The following IGDCC3 variants were observed in gnomAD, a reference collection of about 807,000 sequenced individuals.
The protein encoded by IGDCC3 is immunoglobulin superfamily DCC subclass member 3.
A neutral mutation model predicts 72.0 loss-of-function variants in IGDCC3; 47 were observed. That is an observed-to-expected ratio of 0.65 (90% CI 0.52 to 0.83). IGDCC3 has a LOEUF of 0.83. IGDCC3 is among the 40% of genes least tolerant of loss of function. The pLI is 0.00. For missense variants in IGDCC3, 1,038 were observed against 1,091.3 expected, an observed-to-expected ratio of 0.95 and a Z score of 0.69; for synonymous variants, 477 against 472.8, an observed-to-expected ratio of 1.01 and a Z score of -0.11.
At chr15:65,371,357 A>G (rs1473749948) in intron 2 of IGDCC3, among the ~76,000 whole-genome samples, 1 of 152,202 alleles carries the variant, frequency 6.6e-6, no homozygotes, top group Non-Finnish European at 1.5e-5. Flanking sequence ...AAGGGCACTG[A>G]TCATTGAGTG....
At chr15:65,354,342 C>T (rs1419636806) in intron 2 of IGDCC3, among the ~76,000 whole-genome samples, 1 of 152,198 alleles carries the variant, frequency 6.6e-6, no homozygotes, top group Admixed American at 6.5e-5. Flanking sequence ...GGACACTCTC[C>T]TCTCATGCTA....
intron 2 of IGDCC3, chr15:65,356,333 G>A (rs541185347): frequency 1.2e-3 from 189 of 153,104 alleles, no homozygotes; most frequent in Non-Finnish European, 2.1e-3. Context: ...TGGGGAGCCT[G>A]GACTGATGAA....
chr15:65,356,831 A>AT (rs77740681), intron 2 of IGDCC3, among the ~76,000 whole-genome samples: 43,785 of 121,824 alleles, frequency 0.36, 8,098 homozygotes, highest in East Asian at 0.44. Context: ...CTGATGTGAG[A>AT]TTTGAGAATG....
chr15:65,335,256 G>T (rs780378186), intron 4 of IGDCC3, 35 bp downstream of exon 4: 2 of 1,582,524 alleles, frequency 1.3e-6, no homozygotes, highest in South Asian at 2.3e-5. Flanking sequence ...GAGGCCAGGT[G>T]GGGAGGTTGG....
rs2090959924 is a variant in IGDCC3, at chr15:65,329,781, C to T, written c.1942G>A (p.Gly648Arg). 1.4e-5 allele frequency: 23 copies of T among 1,614,120 alleles called. No individual in the cohort carries two copies. Among genetic ancestry groups the T allele is most frequent in the Non-Finnish European group, 1.9e-5 (22 of 1,180,022 alleles). The change falls in exon 12 of 14, where the codon GGG becomes AGG. Residue 648 changes from glycine (G) to arginine (R), a missense_variant. Gly to Arg is a moderately radical substitution (Grantham distance 125, BLOSUM62 -2). Coordinates refer to ENST00000327987, the MANE Select transcript of IGDCC3 (RefSeq NM_004884.4). This position sits in a 1 kb window ranked among gnomAD's most constrained non-coding sequence, Gnocchi z 4.1. ...ACACAGAAGATGATGCAAGTGACCCCGATGTGGATGCCGATGACGATGCCT... is the reference window on the plus strand; with the variant it reads ...ACACAGAAGATGATGCAAGTGACCCTGATGTGGATGCCGATGACGATGCCT... Reference protein sequence around the residue: ...TTGIVIGIHIGVTCIIFCVLF... With the variant: ...TTGIVIGIHIRVTCIIFCVLF...
Position 65,330,300 on chromosome 15 carries a change from C to G in IGDCC3, c.1851G>C (p.Glu617Asp). 1 of 1,612,600 alleles carries G rather than the reference C, an allele frequency of 6.2e-7. No individual in the cohort carries two copies. The highest frequency in any genetic ancestry group is 8.5e-7 in the Non-Finnish European group (1 of 1,178,852). Residue 617 changes from glutamate (E) to aspartate (D), a missense_variant, in exon 11 of 14, where the codon GAG becomes GAC. Coordinates refer to ENST00000327987, the MANE Select transcript of IGDCC3 (RefSeq NM_004884.4). ...VRFVSLRGAS[E>D]RTALSPPCDC... is the part of the protein sequence containing the mutation. ...TCCATCCCCAGCCCTCACCTGTCCTCTCAGATGCTCCCCTCAAAGACACAA... is the reference window on the plus strand; with the variant it reads ...TCCATCCCCAGCCCTCACCTGTCCTGTCAGATGCTCCCCTCAAAGACACAA...
rs1421236573 is a variant in IGDCC3 at position 65,339,049 on chromosome 15, C to T, written c.410-3093G>A. The stretch of plus-strand genomic sequence containing the variant: ...TCCTGAGGAGCTGGGACCACAAGCG[C>T]GCACCACCACGCCCAGCTAATTTTT... On this transcript the variant is annotated intron_variant, in intron 2 of 13. Transcript: ENST00000327987. This position sits in a 1 kb window ranked among gnomAD's most constrained non-coding sequence, Gnocchi z 4.1. Among the ~76,000 whole-genome samples the T allele has an allele frequency of 3.3e-5, 5 of 152,064 alleles. No homozygotes were observed. The highest frequency in any genetic ancestry group is 4.4e-5 in the Non-Finnish European group (3 of 68,018).
At chr15:65,335,486 C>T in intron 3 of IGDCC3, 65 bp from the exon 4 acceptor site, 1 of 1,524,930 alleles carries the variant, frequency 6.6e-7, no homozygotes, top group Non-Finnish European at 8.9e-7. Flanking sequence ...CACAAAGACT[C>T]TGGGCATCCA....
chr15:65,333,954 C>G (rs888936689), intron 5 of IGDCC3, among the ~76,000 whole-genome samples: 4 of 152,164 alleles, frequency 2.6e-5, no homozygotes, highest in Admixed American at 2.6e-4. Context: ...GGTGCGGCCA[C>G]TCTTTCCAGC....
chr15:65,332,841 C>G (rs751934003), intron 6 of IGDCC3, among the ~76,000 whole-genome samples: 2 of 152,184 alleles, frequency 1.3e-5, no homozygotes, highest in Non-Finnish European at 1.5e-5. Flanking sequence ...AGGCTGCCGG[C>G]GACAGAGTGA....
At chr15:65,347,732 A>C (rs1172540161) in intron 2 of IGDCC3, among the ~76,000 whole-genome samples, 2 of 152,104 alleles carry the variant, frequency 1.3e-5, no homozygotes, top group African/African-American at 2.4e-5. Context: ...GGAGTTCGAG[A>C]CCAGCCTGAC....
intron 5 of IGDCC3, 132 bp downstream of exon 5, chr15:65,334,596 G>T: frequency 1.2e-6 from 1 of 855,550 alleles, no homozygotes; most frequent in Non-Finnish European, 1.7e-6. Context: ...CAGGTCACAG[G>T]GATAGAATGG....
chr15:65,341,085 T>C (rs2091077019), intron 2 of IGDCC3, among the ~76,000 whole-genome samples: 1 of 152,052 alleles, frequency 6.6e-6, no homozygotes, highest in Non-Finnish European at 1.5e-5. Flanking sequence ...CCAGTCCAAA[T>C]TGAGATGGGC....
intron 2 of IGDCC3, among the ~76,000 whole-genome samples, chr15:65,337,467 A>C (rs1212875273): frequency 6.6e-6 from 1 of 152,026 alleles, no homozygotes; most frequent in Non-Finnish European, 1.5e-5. Context: ...ACACATCCCC[A>C]CGTAGGTACA....
rs779669712 is a variant in IGDCC3, at chr15:65,370,618, G to GTATATATATATATATA, written c.409+4478_409+4479insTATATATATATATATA. The stretch of plus-strand genomic sequence containing the variant: ...TATATGTATGTGTATATATATGTAT[G>GTATATATATATATATA]TGTATATATATATATATATATATAT... On this transcript the variant is annotated intron_variant, in intron 2 of 13. Coordinates refer to ENST00000327987, the MANE Select transcript of IGDCC3 (RefSeq NM_004884.4). Among the ~76,000 whole-genome samples, 288 of 56,790 alleles carry GTATATATATATATATA rather than the reference G, an allele frequency of 5.1e-3. 1 individual carries two copies. The highest frequency in any genetic ancestry group is 7.0e-3 in the Non-Finnish European group (195 of 27,958). 37.3% of individuals were successfully genotyped at this position (56,790 alleles called of 152,430 possible).
chr15:65,366,663 G>A (rs2091289565), intron 2 of IGDCC3, among the ~76,000 whole-genome samples: 1 of 152,184 alleles, frequency 6.6e-6, no homozygotes, highest in Non-Finnish European at 1.5e-5. Flanking sequence ...TCCTGCCTGA[G>A]TCAGGTGAGC....
intron 7 of IGDCC3, 67 bp downstream of exon 7, chr15:65,331,873 CA>C (rs1399263716): frequency 1.6e-5 from 25 of 1,535,328 alleles, no homozygotes; most frequent in Non-Finnish European, 2.0e-5. Context: ...CTACTCAGGC[CA>C]CTCACTCCAG....
intron 2 of IGDCC3, among the ~76,000 whole-genome samples, chr15:65,372,874 G>C (rs2091335384): frequency 6.6e-6 from 1 of 152,180 alleles, no homozygotes; most frequent in African/African-American, 2.4e-5. Context: ...AGCGGATCCA[G>C]CCGCACCGTT....
rs1332926047 is a variant in IGDCC3, at chr15:65,334,788, C to T, written c.763G>A (p.Ala255Thr). ...CCCGTGGCGACACACTCAAGCACCG[C>T]GGTCTGGTGCACTGTCAGGGTGAGG... ...ENLTLTVHQT[A>T]VLECVATGNP... The change falls in exon 5 of 14, where the codon GCG becomes ACG. Residue 255 changes from alanine to threonine, a missense_variant. Physicochemically the swap from Ala to Thr is moderately conservative, Grantham distance 58 (BLOSUM62 0). Coordinates refer to ENST00000327987, the MANE Select transcript of IGDCC3 (RefSeq NM_004884.4). 4 of 1,610,848 alleles carry T rather than the reference C, an allele frequency of 2.5e-6. No homozygotes were observed. The highest frequency in any genetic ancestry group is 1.3e-5 in the African/African-American group (1 of 74,850).
Sources: allele counts gnomAD v4.1 joint callset (sites outside exome capture counted in the v4.1 genomes callset), GRCh38; gene constraint gnomAD v4.1.1; non-coding constraint Gnocchi (gnomAD v3.1); transcripts MANE v1.5; gene names NCBI Gene and HGNC (gene_info 2026-07-23, HGNC 2026-07-21).